The following ZNF606 variants were observed in gnomAD, a reference collection of about 807,000 sequenced individuals.
The protein encoded by ZNF606 is zinc finger protein 328.
Under a neutral mutation model 74.9 loss-of-function variants are expected in ZNF606, and 37 were observed. The ratio of observed to expected loss-of-function variants is 0.49; its 90% CI spans 0.38 to 0.65. The LOEUF (loss-of-function observed/expected upper bound fraction) is 0.65. Ranked by LOEUF, ZNF606 falls within the 30% of genes least tolerant of loss-of-function variation. ZNF606 has a pLI of 0.00. For missense variants in ZNF606, 852 were observed against 952.9 expected, an observed-to-expected ratio of 0.89 and a Z score of 1.39; for synonymous variants, 328 against 312.4, an observed-to-expected ratio of 1.05 and a Z score of -0.53.
Position 57,979,201 on chromosome 19 carries a change from G to A in ZNF606, c.1479C>T (p.Phe493=). The change falls in exon 7 of 7, where the codon TTC becomes TTT. Residue 493 remains phenylalanine (F), a synonymous_variant. Transcript: ENST00000551380. ...PYVCNECGKS[F]NWNSHLIGHQ... ...GTCCAATAAGATGAGAGTTCCAGTT[G>A]AAAGATTTCCCACACTCATTACAAA... 6.2e-7 allele frequency: 1 copy of A among 1,613,688 alleles called. No homozygotes were observed. The highest frequency in any genetic ancestry group is 8.5e-7 in the Non-Finnish European group (1 of 1,179,886).
At chr19:57,996,426 G>A (rs533325123) in intron 4 of ZNF606, among the ~76,000 whole-genome samples, 35 of 152,296 alleles carry the variant, frequency 2.3e-4, no homozygotes, top group Admixed American at 5.9e-4. Context: ...CCTTGAACCC[G>A]GGAGGGGAGG....
chr19:57,981,899 T>C (rs942642508), intron 6 of ZNF606, among the ~76,000 whole-genome samples: 5 of 152,222 alleles, frequency 3.3e-5, no homozygotes, highest in African/African-American at 1.2e-4. Context: ...CTGCTATCCT[T>C]AGAGAGCTTT....
Position 57,979,959 on chromosome 19 carries a change from C to A in ZNF606, c.721G>T (p.Asp241Tyr). The A allele has an allele frequency of 6.2e-7, 1 of 1,613,978 alleles. No individual in the cohort carries two copies. Among genetic ancestry groups the A allele is most frequent in the Non-Finnish European group, 8.5e-7 (1 of 1,180,034 alleles). The stretch of plus-strand genomic sequence containing the variant: ...CATCTCCAACTTTGAGCATGTGTAT[C>A]AGGCTTATAGAAATGTTCTATCTGA... The part of the protein sequence containing the change: ...VSQIEHFYKP[D>Y]THAQSWRCDS... Residue 241 changes from aspartate to tyrosine, a missense_variant, in exon 7 of 7, where the codon GAT becomes TAT. Physicochemically the swap from Asp to Tyr is radical, Grantham distance 160. Around this residue, in one of 3 missense-constraint regions of ZNF606, gnomAD observed 545 missense variants for 542.5 expected, o/e 1.00. Coordinates refer to ENST00000551380, the MANE Select transcript of ZNF606 (RefSeq NM_001348022.3).
chr19:58,000,691 G>A lies in ZNF606; in HGVS notation c.80C>T (p.Ala27Val), dbSNP rs1212889587. ...CCAGGCTCTTGACTCACCCCAGGAGGCCCATGGGTCAACAGCTGTCATCCC... is the reference window on the plus strand; with the variant it reads ...CCAGGCTCTTGACTCACCCCAGGAGACCCATGGGTCAACAGCTGTCATCCC... ...SWGMTAVDPWASWALCPQYPA... is the reference protein window; with the variant it reads ...SWGMTAVDPWVSWALCPQYPA... Residue 27 changes from alanine to valine, a missense_variant, in exon 3 of 7, where the codon GCC becomes GTC. This residue lies in a region of ZNF606 where 545 missense variants were observed against 542.5 expected (regional missense o/e 1.00). Coordinates refer to ENST00000551380, the MANE Select transcript of ZNF606 (RefSeq NM_001348022.3). The A allele has an allele frequency of 3.1e-6, 5 of 1,613,396 alleles. No individual in the cohort carries two copies. Among genetic ancestry groups the A allele is most frequent in the Non-Finnish European group, 3.4e-6 (4 of 1,179,652 alleles).
intron 6 of ZNF606, among the ~76,000 whole-genome samples, chr19:57,981,190 G>A (rs555030213): frequency 2.0e-5 from 3 of 152,264 alleles, no homozygotes; most frequent in African/African-American, 7.2e-5. Context: ...TTTCCTAGTA[G>A]AAATTTCGCA....
In ZNF606 at chr19:58,000,703, A is replaced by C. The variant is rs1249136810; in HGVS notation, c.68T>G (p.Val23Gly). The change falls in exon 3 of 7, where the codon GTT becomes GGT. Residue 23 changes from valine (V) to glycine (G), a missense_variant. By Grantham distance (109) the Val-to-Gly change is moderately radical (BLOSUM62 -3). This residue lies in a region of ZNF606 where 545 missense variants were observed against 542.5 expected (regional missense o/e 1.00). Transcript: ENST00000551380. ...LTDQSWGMTA[V>G]DPWASWALCP... Reference sequence around the variant, plus strand: ...CTCACCCCAGGAGGCCCATGGGTCAACAGCTGTCATCCCCCAAGATTGGTC... The same window carrying C: ...CTCACCCCAGGAGGCCCATGGGTCACCAGCTGTCATCCCCCAAGATTGGTC... 6.2e-7 allele frequency: 1 copy of C among 1,612,312 alleles called. No individual in the cohort carries two copies. The highest frequency in any genetic ancestry group is 8.5e-7 in the Non-Finnish European group (1 of 1,179,096).
At position 57,979,899 on chromosome 19, in the gene ZNF606, A is replaced by C. The variant is rs1389999796; in HGVS notation, c.781T>G (p.Cys261Gly). ...GTTTTGTCATAATCATTATTTTCACAGGTAACCTTATCTGCATACATTATG... is the reference window on the plus strand; with the variant it reads ...GTTTTGTCATAATCATTATTTTCACCGGTAACCTTATCTGCATACATTATG... Reference protein sequence around the residue: ...SAIMYADKVTCENNDYDKTVY... With the variant: ...SAIMYADKVTGENNDYDKTVY... The change falls in exon 7 of 7, where the codon TGT (cysteine) becomes GGT (glycine). Residue 261 changes from cysteine to glycine, a missense_variant. By Grantham distance (159) the Cys-to-Gly change is radical. Coordinates refer to ENST00000551380, the MANE Select transcript of ZNF606 (RefSeq NM_001348022.3). 1 of 1,613,988 alleles carries C rather than the reference A, an allele frequency of 6.2e-7. No individual in the cohort carries two copies. Among genetic ancestry groups the C allele is most frequent in the East Asian group, 2.2e-5 (1 of 44,870 alleles).
At chr19:58,000,314 T>C (rs11084527) in intron 3 of ZNF606, 348,786 of 495,884 alleles carry the variant, frequency 0.7, 123,394 homozygotes, top group Middle Eastern at 0.75. Flanking sequence ...CTCCGCCTCC[T>C]GGCTTCACGC....
Position 58,002,671 on chromosome 19 carries a change from G to A in ZNF606, c.-327C>T, listed in dbSNP as rs1001932481. On this transcript the variant is annotated 5_prime_UTR_variant, in exon 1 of 7. Coordinates refer to ENST00000551380, the MANE Select transcript of ZNF606 (RefSeq NM_001348022.3). ...GGCAACGACGGCGCAAAGCCGGCGC[G>A]GAAAGGGCAGGCGCAGGACCCACCC... 4.4e-6 allele frequency: 2 copies of A among 454,132 alleles called. No homozygotes were observed. Among genetic ancestry groups the A allele is most frequent in the African/African-American group, 2.0e-5 (1 of 49,944 alleles). The allele number at this position is 454,132 out of a possible 1,614,324, so 28.1% of individuals were successfully genotyped here.
intron 4 of ZNF606, 55 bp downstream of exon 4, chr19:57,999,753 A>T: frequency 6.4e-7 from 1 of 1,558,514 alleles, no homozygotes; most frequent in African/African-American, 1.4e-5. Flanking sequence ...ATCAACTGGG[A>T]TGACCAGGGA....
chr19:57,980,183 CAT>C lies in ZNF606; in HGVS notation c.495_496del (p.Ile165MetfsTer3). 1.9e-6 allele frequency: 3 copies of C among 1,614,114 alleles called. No individual in the cohort carries two copies. The highest frequency in any genetic ancestry group is 2.5e-6 in the Non-Finnish European group (3 of 1,180,022). On this transcript the variant is annotated frameshift_variant, in exon 7 of 7. Coordinates refer to ENST00000551380, the MANE Select transcript of ZNF606 (RefSeq NM_001348022.3). LOFTEE classifies it high-confidence loss of function. ...TAACCTGGAGAACCAAGGATCATCC[CAT>C]ATATATCTTTCCAACTTCATGCCAT...
intron 6 of ZNF606, among the ~76,000 whole-genome samples, chr19:57,983,029 A>C (rs1274303215): frequency 2.0e-5 from 3 of 152,194 alleles, no homozygotes; most frequent in Non-Finnish European, 4.4e-5. Flanking sequence ...AAAGTTACTG[A>C]ATTATCTTCA....
At chr19:57,986,596 C>CT (rs1014355018) in intron 6 of ZNF606, among the ~76,000 whole-genome samples, 2 of 152,170 alleles carry the variant, frequency 1.3e-5, no homozygotes, top group South Asian at 2.1e-4. Flanking sequence ...TTTCTAGCTC[C>CT]TTTTTTTCAG....
chr19:58,001,914 C>T (rs761533893), intron 1 of ZNF606: 2 of 308,400 alleles, frequency 6.5e-6, no homozygotes, highest in African/African-American at 2.2e-5. Context: ...AAAAATTCAC[C>T]TCCAAGATTT....
chr19:57,989,603 C>T (rs562914598), intron 4 of ZNF606, among the ~76,000 whole-genome samples: 1 of 151,860 alleles, frequency 6.6e-6, no homozygotes, highest in African/African-American at 2.4e-5. Flanking sequence ...TGCACCACCC[C>T]GCCTGGCTAA....
At chr19:57,985,650 CA>C (rs2073152324) in intron 6 of ZNF606, among the ~76,000 whole-genome samples, 1 of 151,992 alleles carries the variant, frequency 6.6e-6, no homozygotes, top group Admixed American at 6.6e-5. Context: ...AAACTAGGGC[CA>C]GGGGTGGTGG....
intron 4 of ZNF606, among the ~76,000 whole-genome samples, chr19:57,995,834 T>C (rs1233768466): frequency 6.6e-6 from 1 of 152,026 alleles, no homozygotes; most frequent in African/African-American, 2.4e-5. Flanking sequence ...AGAAAAAGAC[T>C]GTCTATGTCT....
chr19:57,984,910 T>C (rs760429344), intron 6 of ZNF606, among the ~76,000 whole-genome samples: 15 of 152,020 alleles, frequency 9.9e-5, no homozygotes, highest in Non-Finnish European at 2.2e-4. Flanking sequence ...CTGGCTAACA[T>C]GGTGAAACCC....
At chr19:58,003,155 C>A, upstream of ZNF606, 1 of 442,454 alleles carries the variant, frequency 2.3e-6, no homozygotes, top group Non-Finnish European at 4.6e-6. Flanking sequence ...TCGAGGGATC[C>A]TTCCATTTGG....
Sources: allele counts gnomAD v4.1 joint callset (sites outside exome capture counted in the v4.1 genomes callset), GRCh38; gene constraint gnomAD v4.1.1; regional missense constraint gnomAD v4.1.1; transcripts MANE v1.5; gene names NCBI Gene and HGNC (gene_info 2026-07-23, HGNC 2026-07-21).